Variants in SHLD1 observed in about 807,000 individuals in gnomAD.
SHLD1 encodes the protein RINN1-REV7-interacting novel NHEJ regulator 3.
In SHLD1, 3 loss-of-function variants were observed where a neutral mutation model predicts 5.5. The observed-to-expected ratio is 0.54, with a 90% CI of 0.25 to 1.40. The LOEUF (loss-of-function observed/expected upper bound fraction) is 1.40. Among genes scored for constraint, SHLD1 ranks in the 40% most tolerant of loss-of-function variants. The pLI, the probability that SHLD1 is intolerant of heterozygous loss-of-function variation, is 0.15. For missense variants in SHLD1, 210 were observed against 244.4 expected (o/e 0.86, Z 0.94); for synonymous variants, 92 against 94.3 (o/e 0.98, Z 0.14).
chr20:5,850,012 C>A (rs564476915), intron 2 of SHLD1, among the ~76,000 whole-genome samples: 234 of 148,020 alleles, frequency 1.6e-3, no homozygotes, highest in South Asian at 6.6e-3. Flanking sequence ...AGGGTGATGG[C>A]TTATGCCTGT....
rs1341547625 is a variant in SHLD1, at chr20:5,788,258, CAG to C, written c.178+15218_178+15219del. 4.6e-5 allele frequency among the ~76,000 whole-genome samples: 7 copies of C among 151,758 alleles called. No homozygotes were observed. The South Asian group carries it at 1.5e-3, about 31-fold the overall frequency. On this transcript the variant is annotated intron_variant, in intron 2 of 2. Transcript: ENST00000303142. ...AAATAAATTGTAAAAAACAAAAAAACAGAGGTGTACCCCCATTTCTTCCTAGT... is the reference window on the plus strand; with the variant it reads ...AAATAAATTGTAAAAAACAAAAAAACAGGTGTACCCCCATTTCTTCCTAGT...
chr20:5,764,527 CAAA>C (rs375996514), intron 1 of SHLD1, among the ~76,000 whole-genome samples: 5 of 111,098 alleles, frequency 4.5e-5, no homozygotes, highest in East Asian at 2.6e-4. Flanking sequence ...GACCTTGTCT[CAAA>C]AAAAAAAAAA....
intron 2 of SHLD1, among the ~76,000 whole-genome samples, chr20:5,854,171 A>C (rs2088051044): frequency 6.6e-6 from 1 of 151,844 alleles, no homozygotes; most frequent in African/African-American, 2.4e-5. Context: ...ATGCCCAGCT[A>C]ATTTTTGTAT....
intron 2 of SHLD1, among the ~76,000 whole-genome samples, chr20:5,812,220 A>C (rs2087469189): frequency 6.6e-6 from 1 of 152,122 alleles, no homozygotes; most frequent in African/African-American, 2.4e-5. Context: ...AAATGAAAGA[A>C]GGACCTAATC....
At chr20:5,834,669 G>T (rs2087769277) in intron 2 of SHLD1, among the ~76,000 whole-genome samples, 1 of 152,184 alleles carries the variant, frequency 6.6e-6, no homozygotes, top group South Asian at 2.1e-4. Flanking sequence ...CTTTGGTAAA[G>T]ATCTGTTTGA....
Position 5,863,320 on chromosome 20 carries a change from G to A in SHLD1, c.475G>A (p.Val159Ile), listed in dbSNP as rs200025928. 1.9e-5 allele frequency: 30 copies of A among 1,614,078 alleles called. No homozygotes were observed. The highest frequency in any genetic ancestry group is 8.0e-5 in the African/African-American group (6 of 74,928). ...GATCTTCAACCGGGACGGCTGCTCC[G>A]TCTTACAGAGGCATTCCAGGGACAC... is the stretch of plus-strand genomic sequence containing the variant. ...RVIFNRDGCS[V>I]LQRHSRDTHF... Residue 159 changes from valine to isoleucine, a missense_variant, in exon 3 of 3, where the codon GTC becomes ATC. Transcript: ENST00000303142.
chr20:5,775,923 A>ATTTTTTTTTTTTTTGTTTTTT (rs1985404142), intron 2 of SHLD1, among the ~76,000 whole-genome samples: 1 of 77,678 alleles, frequency 1.3e-5, no homozygotes, highest in Non-Finnish European at 2.4e-5. Flanking sequence ...TCAGCTCAGG[A>ATTTTTTTTTTTTTTGTTTTTT]TTTTTTTTTT....
intron 2 of SHLD1, among the ~76,000 whole-genome samples, chr20:5,815,425 A>G (rs1414768351): frequency 4.6e-5 from 7 of 152,356 alleles, no homozygotes; most frequent in African/African-American, 1.7e-4. Flanking sequence ...CTAATTCAGT[A>G]AAGTGTGAGG....
At chr20:5,817,468 G>GTCTA (rs765893560) in intron 2 of SHLD1, among the ~76,000 whole-genome samples, 1 of 129,966 alleles carries the variant, frequency 7.7e-6, no homozygotes, top group Non-Finnish European at 1.7e-5. Flanking sequence ...GTGTGTGTGT[G>GTCTA]TGTGTTGGGA....
chr20:5,776,349 G>A (rs1461138522), intron 2 of SHLD1, among the ~76,000 whole-genome samples: 2 of 152,182 alleles, frequency 1.3e-5, no homozygotes, highest in Non-Finnish European at 2.9e-5. Flanking sequence ...TGCTGTCCCT[G>A]TTCTTGATTT....
At chr20:5,783,882 T>A (rs2087020517) in intron 2 of SHLD1, among the ~76,000 whole-genome samples, 1 of 152,090 alleles carries the variant, frequency 6.6e-6, no homozygotes, top group Non-Finnish European at 1.5e-5. Context: ...CCGGGTGCGG[T>A]GGCTCACGCC....
At chr20:5,833,982 T>C (rs1248639934) in intron 2 of SHLD1, among the ~76,000 whole-genome samples, 1 of 152,234 alleles carries the variant, frequency 6.6e-6, no homozygotes, top group Non-Finnish European at 1.5e-5. Context: ...ACTTCTGTCA[T>C]TGGCATTGAG....
chr20:5,839,525 A>ATAGATAGATAGATAGATAGG (rs2087831994), intron 2 of SHLD1, among the ~76,000 whole-genome samples: 1 of 151,916 alleles, frequency 6.6e-6, no homozygotes, highest in Non-Finnish European at 1.5e-5. Flanking sequence ...AGATAGATAG[A>ATAGATAGATAGATAGATAGG]TGATAGATAG....
intron 2 of SHLD1, among the ~76,000 whole-genome samples, chr20:5,812,394 C>G (rs973355551): frequency 2.0e-5 from 3 of 152,082 alleles, no homozygotes; most frequent in African/African-American, 4.8e-5. Flanking sequence ...CAGTGCTTAA[C>G]AGGCAACTGG....
intron 1 of SHLD1, among the ~76,000 whole-genome samples, chr20:5,768,448 TG>T (rs1180298679): frequency 2.6e-5 from 4 of 152,258 alleles, no homozygotes; most frequent in Admixed American, 2.6e-4. Context: ...TGACTCACTG[TG>T]TTAACAAGGT....
In SHLD1 at chr20:5,780,418, G is replaced by A. The variant is rs927313455; in HGVS notation, c.178+7375G>A. The stretch of plus-strand genomic sequence containing the variant: ...CACAGCACAGCCCAGCAACAGGCAC[G>A]CTGGAGAGAATACCCAGAAATCCAG... On this transcript the variant is annotated intron_variant, in intron 2 of 2. Coordinates refer to ENST00000303142, the MANE Select transcript of SHLD1 (RefSeq NM_152504.4). 2.9e-4 allele frequency among the ~76,000 whole-genome samples: 44 copies of A among 152,280 alleles called. 1 individual carries two copies. The highest frequency in any genetic ancestry group is 8.4e-4 in the African/African-American group (35 of 41,556).
At chr20:5,776,589 C>T (rs1054127153) in intron 2 of SHLD1, among the ~76,000 whole-genome samples, 15 of 150,438 alleles carry the variant, frequency 1.0e-4, no homozygotes, top group Middle Eastern at 3.4e-3. Context: ...ATGGTAAAAC[C>T]CTGTCTCTAA....
chr20:5,756,466 A>G (rs961070629), intron 1 of SHLD1, among the ~76,000 whole-genome samples: 7 of 152,100 alleles, frequency 4.6e-5, no homozygotes, highest in Admixed American at 4.6e-4. Context: ...AGTTTTCAGT[A>G]TACATCTTAC....
chr20:5,773,349 AG>A lies in SHLD1; in HGVS notation c.178+307del, dbSNP rs1446217226. 7 of 559,636 alleles carry A rather than the reference AG, an allele frequency of 1.3e-5. No homozygotes were observed. The Admixed American group carries it at 1.7e-4, about 13-fold the overall frequency. The allele number at this position is 559,636 out of a possible 1,614,324, so 34.7% of individuals were successfully genotyped here. Reference sequence around the variant, plus strand: ...GGGGAATATTTGGTTCAACAAAGAGAGAGTGGAATTTTTTTTTGTTTTGTTC... The same window carrying A: ...GGGGAATATTTGGTTCAACAAAGAGAAGTGGAATTTTTTTTTGTTTTGTTC... On this transcript the variant is annotated intron_variant, in intron 2 of 2. Transcript: ENST00000303142.
Sources: gnomAD v4.1 joint callset for allele counts (sites outside exome capture counted in the v4.1 genomes callset) on GRCh38, gnomAD v4.1.1 for gene constraint, MANE v1.5 for transcripts, NCBI Gene and HGNC (gene_info 2026-07-23, HGNC 2026-07-21) for gene names.